RBFOX2: variants seen among roughly 807,000 people sequenced by gnomAD.
RBFOX2 encodes the protein RNA binding fox-1 homolog 2, also known as RNA binding protein fox-1 homolog 2.
RBFOX2 carries 10 observed loss-of-function variants against 49.1 expected under a neutral mutation model. That is an observed-to-expected ratio of 0.20 (90% CI 0.13 to 0.35). The LOEUF is 0.35. RBFOX2 is among the 10% of genes least tolerant of loss of function. The probability of loss-of-function intolerance (pLI) is 1.00; values close to 1 mark genes in which losing one functional copy is unlikely to be tolerated. For missense variants in RBFOX2, 323 were observed against 486.9 expected (o/e 0.66, Z 3.17); for synonymous variants, 183 against 187.4 (o/e 0.98, Z 0.19).
At chr22:35,768,830 T>C (rs1941821139) in intron 4 of RBFOX2, among the ~76,000 whole-genome samples, 1 of 152,346 alleles carries the variant, frequency 6.6e-6, no homozygotes, top group South Asian at 2.1e-4. Flanking sequence ...AGGTTCAACA[T>C]TGCATAATGA....
At chr22:35,813,019 C>T (rs1378325820) in intron 1 of RBFOX2, among the ~76,000 whole-genome samples, 1 of 143,580 alleles carries the variant, frequency 7.0e-6, no homozygotes, top group East Asian at 2.1e-4. Context: ...GCAAGCCAGG[C>T]AGAGGCTCTG....
At chr22:35,893,223 C>A (rs1257003678) in intron 1 of RBFOX2, among the ~76,000 whole-genome samples, 1 of 152,138 alleles carries the variant, frequency 6.6e-6, no homozygotes, top group African/African-American at 2.4e-5. Context: ...GCTGGCTGCT[C>A]CAAGGGTTGT....
chr22:35,781,072 C>T (rs1945065611), intron 3 of RBFOX2, among the ~76,000 whole-genome samples: 1 of 152,144 alleles, frequency 6.6e-6, no homozygotes, highest in African/African-American at 2.4e-5. Context: ...AACTTATGTG[C>T]ACATTAGTAT....
chr22:35,775,860 A>AAAAAAAAAAAAGAAC (rs1555896239), intron 4 of RBFOX2, among the ~76,000 whole-genome samples: 1 of 149,130 alleles, frequency 6.7e-6, no homozygotes, highest in African/African-American at 2.5e-5. Flanking sequence ...AAAAAAAAAA[A>AAAAAAAAAAAAGAAC]AGAAAAGAAA....
intron 1 of RBFOX2, among the ~76,000 whole-genome samples, chr22:35,955,205 C>A (rs1449577147): frequency 6.6e-6 from 1 of 152,206 alleles, no homozygotes; most frequent in African/African-American, 2.4e-5. Flanking sequence ...AATTCTCAAA[C>A]TTTTTTGATT....
exon 1 of RBFOX2, among the ~76,000 whole-genome samples, chr22:36,028,663 GGGT>G (rs2059544969): frequency 6.7e-6 from 1 of 149,772 alleles, no homozygotes; most frequent in African/African-American, 2.4e-5. Context: ...GGCCACTGGC[GGGT>G]CGTGATGAGC....
chr22:35,902,997 A>G (rs528004359), intron 1 of RBFOX2, among the ~76,000 whole-genome samples: 1 of 152,220 alleles, frequency 6.6e-6, no homozygotes, highest in Admixed American at 6.5e-5. Context: ...AGAAGCATTC[A>G]GACAGTATCT....
chr22:35,852,292 C>T (rs994290656), intron 1 of RBFOX2, among the ~76,000 whole-genome samples: 1 of 151,904 alleles, frequency 6.6e-6, no homozygotes, highest in African/African-American at 2.4e-5. Flanking sequence ...GAGGGTGTAT[C>T]CTGGTACCAA....
chr22:35,857,210 G>A (rs1237779542), intron 1 of RBFOX2, among the ~76,000 whole-genome samples: 3 of 152,166 alleles, frequency 2.0e-5, no homozygotes, highest in Admixed American at 6.5e-5. Flanking sequence ...TTGAGCAAGA[G>A]GAAAAGAGTG....
At chr22:35,878,417 A>G (rs2045440285) in intron 1 of RBFOX2, among the ~76,000 whole-genome samples, 1 of 152,048 alleles carries the variant, frequency 6.6e-6, no homozygotes. Flanking sequence ...ATAAAATAAA[A>G]TAAAGATACA....
intron 1 of RBFOX2, among the ~76,000 whole-genome samples, chr22:35,826,311 C>CATCG (rs1231149109): frequency 7.4e-6 from 1 of 134,822 alleles, no homozygotes; most frequent in Non-Finnish European, 1.5e-5. Context: ...CATCGCAGTC[C>CATCG]AGCCTGGGCA....
At chr22:35,985,435 G>A (rs960291520) in intron 1 of RBFOX2, among the ~76,000 whole-genome samples, 2 of 152,198 alleles carry the variant, frequency 1.3e-5, no homozygotes, top group Middle Eastern at 3.4e-3. Context: ...TGAAGCAAAC[G>A]GGTCATTCCA....
chr22:35,821,366 C>G (rs1348087487), intron 1 of RBFOX2, among the ~76,000 whole-genome samples: 3 of 152,014 alleles, frequency 2.0e-5, no homozygotes, highest in Non-Finnish European at 4.4e-5. Context: ...CTTTGGGAGG[C>G]CAAGGTGGGC....
At chr22:35,751,154 G>C (rs1379456137) in intron 9 of RBFOX2, among the ~76,000 whole-genome samples, 4 of 152,126 alleles carry the variant, frequency 2.6e-5, no homozygotes, top group Admixed American at 1.3e-4. Context: ...ATATTTATTA[G>C]TTTAATCTCA....
At chr22:35,885,758 T>A (rs2046474788) in intron 1 of RBFOX2, among the ~76,000 whole-genome samples, 1 of 147,064 alleles carries the variant, frequency 6.8e-6, no homozygotes, top group South Asian at 2.1e-4. Flanking sequence ...TATATTTAAA[T>A]AAGCAAGTAA....
chr22:35,928,830 C>T (rs751967229), intron 1 of RBFOX2, among the ~76,000 whole-genome samples: 130 of 152,186 alleles, frequency 8.5e-4, no homozygotes, highest in South Asian at 1.5e-3. Context: ...GGCTGATAAG[C>T]ACATGAAAAG....
intron 2 of RBFOX2, among the ~76,000 whole-genome samples, chr22:35,791,067 GA>G (rs1225787852): frequency 2.0e-5 from 3 of 151,514 alleles, no homozygotes; most frequent in Non-Finnish European, 4.4e-5. Context: ...AAGCAAGCTA[GA>G]AAAAAAATTA....
intron 1 of RBFOX2, among the ~76,000 whole-genome samples, chr22:36,025,827 T>C (rs1207108024): frequency 2.0e-5 from 3 of 152,018 alleles, no homozygotes; most frequent in African/African-American, 7.3e-5. Flanking sequence ...AATCATCTTG[T>C]ACACATACTT....
chr22:35,758,418 T>C (rs1937564839), intron 9 of RBFOX2, among the ~76,000 whole-genome samples: 1 of 152,212 alleles, frequency 6.6e-6, no homozygotes, highest in African/African-American at 2.4e-5. Flanking sequence ...AGTCTCTCTT[T>C]GCAAATATGA....
Sources: allele counts gnomAD v4.1 joint callset (sites outside exome capture counted in the v4.1 genomes callset), GRCh38; gene constraint gnomAD v4.1.1; transcripts MANE v1.5; gene names NCBI Gene and HGNC (gene_info 2026-07-23, HGNC 2026-07-21).